The following MEGF8 variants were observed in gnomAD, a reference collection of about 807,000 sequenced individuals.
MEGF8 encodes the protein multiple EGF like domains 8.
A neutral mutation model predicts 302.9 loss-of-function variants in MEGF8; 156 were observed. The ratio of observed to expected loss-of-function variants is 0.52; its 90% CI spans 0.45 to 0.59. The LOEUF (loss-of-function observed/expected upper bound fraction) is 0.59, where lower values mean the gene tolerates loss of function less well. Among genes scored for constraint, MEGF8 ranks in the 20% least tolerant of loss-of-function variants. The pLI, the probability that MEGF8 is intolerant of heterozygous loss-of-function variation, is 0.00. For missense variants in MEGF8, 3,345 were observed against 3,964.5 expected, an observed-to-expected ratio of 0.84 and a Z score of 4.20; for synonymous variants, 1,621 against 1,660.5, an observed-to-expected ratio of 0.98 and a Z score of 0.58.
Position 42,350,254 on chromosome 19 carries a change from G to GTGCCACC in MEGF8, c.2617_2623dup (p.Arg875ProfsTer12). On this transcript the variant is annotated frameshift_variant, in exon 15 of 42. Transcript: ENST00000251268. LOFTEE classifies it high-confidence loss of function. ...CAGGGCTGTGGCTGGTGCCTGACCA[G>GTGCCACC]TGCCACCTGCCACCTGCGCCAGGGC... 1 of 1,612,396 alleles carries GTGCCACC rather than the reference G, an allele frequency of 6.2e-7. No homozygotes were observed. Among genetic ancestry groups the GTGCCACC allele is most frequent in the Non-Finnish European group, 8.5e-7 (1 of 1,179,858 alleles).
At chr19:42,350,634 A>G (rs2039355330) in intron 15 of MEGF8, among the ~76,000 whole-genome samples, 1 of 152,142 alleles carries the variant, frequency 6.6e-6, no homozygotes, top group African/African-American at 2.4e-5. Context: ...TTCTCAGCAT[A>G]GGCACTGGAG....
At chr19:42,362,293 C>A in intron 33 of MEGF8, 80 bp downstream of exon 33, 1 of 1,609,146 alleles carries the variant, frequency 6.2e-7, no homozygotes, top group Non-Finnish European at 8.5e-7. Flanking sequence ...GTCAGCTGTC[C>A]CACCCACCCC....
At chr19:42,334,654 C>CT (rs1395781183) in intron 3 of MEGF8, among the ~76,000 whole-genome samples, 4 of 152,334 alleles carry the variant, frequency 2.6e-5, no homozygotes, top group African/African-American at 9.6e-5. Context: ...GATCTGAGCT[C>CT]TTTCAGTCCA....
At position 42,336,863 on chromosome 19, in the gene MEGF8, C is replaced by T. The variant is rs747214327; in HGVS notation, c.1301C>T (p.Thr434Met). The change falls in exon 7 of 42, where the codon ACG becomes ATG. Residue 434 changes from threonine to methionine, a missense_variant. Transcript: ENST00000251268. This position sits in a 1 kb window ranked among gnomAD's most constrained non-coding sequence, Gnocchi z 4.8. The part of the protein sequence containing the change: ...ELFHVDRHVW[T>M]TLKGRDGLQG... Reference sequence around the variant, plus strand: ...TTCCACGTGGATCGGCATGTGTGGACGACGCTGAAGGGGCGGGATGGGCTT... The same window carrying T: ...TTCCACGTGGATCGGCATGTGTGGATGACGCTGAAGGGGCGGGATGGGCTT... 21 of 1,611,998 alleles carry T rather than the reference C, an allele frequency of 1.3e-5. No homozygotes were observed. The highest frequency in any genetic ancestry group is 6.8e-5 in the Admixed American group (4 of 59,250).
At position 42,330,602 on chromosome 19, in the gene MEGF8, T is replaced by TA. The variant is rs1425004896; in HGVS notation, c.188-3002dup. Reference sequence around the variant, plus strand: ...CAGCTTTAGTATTCTGTCTTTTATGTATTTCTTCATTTCATCATCCAGCAT... The same window carrying TA: ...CAGCTTTAGTATTCTGTCTTTTATGTAATTTCTTCATTTCATCATCCAGCAT... On this transcript the variant is annotated intron_variant, in intron 1 of 41. Transcript: ENST00000251268. Among the ~76,000 whole-genome samples, 2 of 152,200 alleles carry TA rather than the reference T, an allele frequency of 1.3e-5. 1 individual carries two copies. Among genetic ancestry groups the TA allele is most frequent in the East Asian group, 3.9e-4 (2 of 5,194 alleles).
chr19:42,326,210 G>T lies in MEGF8; in HGVS notation c.-34G>T. On this transcript the variant is annotated 5_prime_UTR_variant, in exon 1 of 42. Transcript: ENST00000251268. ...GGTCCTCTCCAGGTTTTTACGGCCT[G>T]TCCCCGCTCTAAGGGTCAGTGCAGG... 5 of 1,470,936 alleles carry T rather than the reference G, an allele frequency of 3.4e-6. No individual in the cohort carries two copies. Among genetic ancestry groups the T allele is most frequent in the Non-Finnish European group, 4.5e-6 (5 of 1,118,490 alleles). The allele number at this position is 1,470,936 out of a possible 1,614,324, so 91.1% of individuals were successfully genotyped here. A position where few individuals can be genotyped will look rare whatever the true frequency, so the allele number is the denominator to read the frequency against.
chr19:42,360,910 A>C lies in MEGF8; in HGVS notation c.5624A>C (p.Asp1875Ala), dbSNP rs767228232. Reference sequence around the variant, plus strand: ...CTGCTGGCACTGACCCTGCCCCCTGACCCCTGCCGCCTGCTGTCCTCACCT... The same window carrying C: ...CTGCTGGCACTGACCCTGCCCCCTGCCCCCTGCCGCCTGCTGTCCTCACCT... Reference protein sequence around the residue: ...GRLLALTLPPDPCRLLSSPEA... With the variant: ...GRLLALTLPPAPCRLLSSPEA... Residue 1875 changes from aspartate (D) to alanine (A), a missense_variant, in exon 32 of 42, where the codon GAC becomes GCC. Physicochemically the swap from Asp to Ala is moderately radical, Grantham distance 126. Transcript: ENST00000251268. 6.8e-6 allele frequency: 11 copies of C among 1,612,276 alleles called. No homozygotes were observed. The highest frequency in any genetic ancestry group is 1.6e-4 in the Middle Eastern group (1 of 6,072).
rs1265855018 is a variant in MEGF8, at chr19:42,351,324, C to T, written c.2845C>T (p.Leu949Phe). The change falls in exon 16 of 42, where the codon CTC (leucine) becomes TTC (phenylalanine). Residue 949 changes from leucine to phenylalanine, a missense_variant. Physicochemically the swap from Leu to Phe is conservative, Grantham distance 22. Coordinates refer to ENST00000251268, the MANE Select transcript of MEGF8 (RefSeq NM_001271938.2). This position sits in a 1 kb window ranked among gnomAD's most constrained non-coding sequence, Gnocchi z 5.6. The part of the protein sequence containing the change: ...ALKSPEECPP[L>F]CSQRLTCEDC... Reference sequence around the variant, plus strand: ...GAAGAGTCCAGAGGAGTGTCCCCCGCTCTGCAGCCAGTGAGTCAGGCTGGG... The same window carrying T: ...GAAGAGTCCAGAGGAGTGTCCCCCGTTCTGCAGCCAGTGAGTCAGGCTGGG... 5.1e-6 allele frequency: 8 copies of T among 1,568,020 alleles called. No homozygotes were observed. The highest frequency in any genetic ancestry group is 6.9e-6 in the Non-Finnish European group (8 of 1,156,172).
In MEGF8 at chr19:42,336,202, G is replaced by A. The variant is rs1422086364; in HGVS notation, c.1100G>A (p.Arg367His). Residue 367 changes from arginine (R) to histidine (H), a missense_variant, in exon 6 of 42, where the codon CGC (arginine) becomes CAC (histidine). Coordinates refer to ENST00000251268, the MANE Select transcript of MEGF8 (RefSeq NM_001271938.2). The surrounding 1 kb of genome is among the most constrained non-coding windows in gnomAD (Gnocchi z 4.8). ...TTCTCCTCTGGCCTCTTCCGTTTCC[G>A]CCTTGACAGCACCAGCGGGGGCTAT... ...DLFSSGLFRF[R>H]LDSTSGGYWE... 5.6e-6 allele frequency: 9 copies of A among 1,610,278 alleles called. No homozygotes were observed. Among genetic ancestry groups the A allele is most frequent in the Admixed American group, 3.3e-5 (2 of 60,024 alleles).
In MEGF8 at chr19:42,337,509, T is replaced by G. The variant is rs1272832774; in HGVS notation, c.1513+303T>G. ...CTTTTTAACTTTCTTTTCTTTTCTT[T>G]TTTTTTTTTTTTTTTTGAGACGGAG... On this transcript the variant is annotated intron_variant, in intron 8 of 41. Coordinates refer to ENST00000251268, the MANE Select transcript of MEGF8 (RefSeq NM_001271938.2). Among the ~76,000 whole-genome samples the G allele has an allele frequency of 2.0e-5, 3 of 148,226 alleles. No individual in the cohort carries two copies. The East Asian group carries it at 5.8e-4, about 29-fold the overall frequency.
intron 2 of MEGF8, 61 bp downstream of exon 2, chr19:42,333,829 A>G (rs1600012443): frequency 6.3e-7 from 1 of 1,592,970 alleles, no homozygotes; most frequent in East Asian, 2.2e-5. Flanking sequence ...AAGGAGGGAC[A>G]GAGAGTCAGT....
At chr19:42,330,436 A>G (rs2039040740) in intron 1 of MEGF8, among the ~76,000 whole-genome samples, 1 of 152,168 alleles carries the variant, frequency 6.6e-6, no homozygotes, top group Non-Finnish European at 1.5e-5. Context: ...ACAGAGCTTT[A>G]TAGTTTGGTT....
At chr19:42,334,689 G>A (rs1159795385) in intron 3 of MEGF8, among the ~76,000 whole-genome samples, 3 of 152,160 alleles carry the variant, frequency 2.0e-5, no homozygotes, top group Non-Finnish European at 4.4e-5. Flanking sequence ...TACGCTGTCT[G>A]TATTCTCCCA....
At position 42,351,431 on chromosome 19, in the gene MEGF8, G is replaced by A. The variant is rs972397636; in HGVS notation, c.2858G>A (p.Arg953Gln). The A allele has an allele frequency of 3.8e-6, 6 of 1,593,570 alleles. No homozygotes were observed. The African/African-American group carries it at 4.0e-5, about 11-fold the overall frequency. Residue 953 changes from arginine to glutamine, a missense_variant and splice_region_variant, in exon 17 of 42, where the codon CGA becomes CAA. By Grantham distance (43) the Arg-to-Gln change is conservative. Transcript: ENST00000251268. The surrounding 1 kb of genome is among the most constrained non-coding windows in gnomAD (Gnocchi z 5.6). ...PEECPPLCSQ[R>Q]LTCEDCLANS... ...TGGCCCCCTGCTCCCCACCCCAGGC[G>A]ACTGACCTGTGAGGACTGCCTGGCC... is the stretch of plus-strand genomic sequence containing the variant.
At chr19:42,327,357 A>G (rs1196032186) in intron 1 of MEGF8, among the ~76,000 whole-genome samples, 1 of 152,210 alleles carries the variant, frequency 6.6e-6, no homozygotes, top group Non-Finnish European at 1.5e-5. Context: ...ATTAATAGTG[A>G]GAGACAAGAG....
intron 35 of MEGF8, among the ~76,000 whole-genome samples, chr19:42,366,190 A>G (rs574020376): frequency 1.1e-4 from 16 of 152,286 alleles, no homozygotes; most frequent in African/African-American, 3.9e-4. Flanking sequence ...GATTCTAACC[A>G]TCCCGCATTG....
At position 42,376,973 on chromosome 19, in the gene MEGF8, T is replaced by C. The variant is rs1019484455; in HGVS notation, c.*198T>C. ...CGAGTACCTACTCTGTCAGGCACTG[T>C]CATAGGCGTGGGGCAAAGCAGGAAC... On this transcript the variant is annotated 3_prime_UTR_variant, in exon 42 of 42. Coordinates refer to ENST00000251268, the MANE Select transcript of MEGF8 (RefSeq NM_001271938.2). This position sits in a 1 kb window ranked among gnomAD's most constrained non-coding sequence, Gnocchi z 8.2. The C allele has an allele frequency of 1.3e-5, 7 of 534,532 alleles. No individual in the cohort carries two copies. Among genetic ancestry groups the C allele is most frequent in the Admixed American group, 1.2e-4 (3 of 26,072 alleles). The allele number at this position is 534,532 out of a possible 1,614,324, so 33.1% of individuals were successfully genotyped here.
At chr19:42,328,967 T>G (rs1600003679) in intron 1 of MEGF8, among the ~76,000 whole-genome samples, 1 of 150,138 alleles carries the variant, frequency 6.7e-6, no homozygotes. Flanking sequence ...AGTGGAGGGG[T>G]GGGGTGGATG....
At position 42,376,664 on chromosome 19, in the gene MEGF8, G is replaced by C; in HGVS notation, c.8427G>C (p.Arg2809Ser). ...LGSALVTLRH[R>S]LHEYCGGGGG... is the part of the protein sequence containing the mutation. ...CAGCCCTCGTCACACTGCGGCACAG[G>C]CTGCACGAGTACTGTGGGGGTGGTG... Residue 2809 changes from arginine (R) to serine (S), a missense_variant, in exon 42 of 42, where the codon AGG becomes AGC. Transcript: ENST00000251268. This position sits in a 1 kb window ranked among gnomAD's most constrained non-coding sequence, Gnocchi z 8.2. 6.5e-7 allele frequency: 1 copy of C among 1,534,544 alleles called. No individual in the cohort carries two copies. Among genetic ancestry groups the C allele is most frequent in the South Asian group, 1.2e-5 (1 of 82,564 alleles).
Sources: gnomAD v4.1 joint callset for allele counts (sites outside exome capture counted in the v4.1 genomes callset) on GRCh38, gnomAD v4.1.1 for gene constraint, Gnocchi (gnomAD v3.1) non-coding constraint, MANE v1.5 for transcripts, NCBI Gene and HGNC (gene_info 2026-07-23, HGNC 2026-07-21) for gene names.